Variants in SPAG16 observed in about 807,000 individuals in gnomAD.
SPAG16 encodes sperm-associated antigen 16 protein.
In SPAG16, 86 loss-of-function variants were observed where a neutral mutation model predicts 80.4. That is an observed-to-expected ratio of 1.07 (90% confidence interval 0.90 to 1.28). The LOEUF (loss-of-function observed/expected upper bound fraction) is 1.28, where lower values mean the gene tolerates loss of function less well. SPAG16 is among the 50% of genes most tolerant of loss of function. The pLI is 0.00. For missense variants in SPAG16, 870 were observed against 765.3 expected (o/e 1.14, Z -1.61); for synonymous variants, 294 against 265.9 (o/e 1.11, Z -1.03).
chr2:213,670,085 C>T (rs901379206), intron 10 of SPAG16, among the ~76,000 whole-genome samples: 1 of 151,828 alleles, frequency 6.6e-6, no homozygotes, highest in African/African-American at 2.4e-5. Flanking sequence ...GCAAACTCTG[C>T]CTCCGGGGTT....
At chr2:214,328,189 T>C (rs1431187324) in intron 15 of SPAG16, among the ~76,000 whole-genome samples, 2 of 151,516 alleles carry the variant, frequency 1.3e-5, no homozygotes, top group Non-Finnish European at 2.9e-5. Context: ...GGAGTCTCAC[T>C]CTGTCGCCTA....
intron 5 of SPAG16, among the ~76,000 whole-genome samples, chr2:213,324,132 C>A (rs72937041): frequency 8.2e-4 from 124 of 151,910 alleles, no homozygotes; most frequent in Non-Finnish European, 1.5e-3. Flanking sequence ...TACCTTCTTA[C>A]CATATACTCA....
intron 10 of SPAG16, among the ~76,000 whole-genome samples, chr2:213,671,429 G>A (rs1033487715): frequency 3.9e-5 from 6 of 151,978 alleles, no homozygotes; most frequent in African/African-American, 1.5e-4. Flanking sequence ...GCCTTGTTTT[G>A]GGGAAGATGT....
intron 15 of SPAG16, among the ~76,000 whole-genome samples, chr2:214,165,564 T>C (rs2056620000): frequency 6.9e-6 from 1 of 144,980 alleles, no homozygotes. Context: ...ATGTCTAGAT[T>C]TGTTACCTCC....
chr2:214,114,437 G>C (rs556714889), intron 14 of SPAG16, among the ~76,000 whole-genome samples: 76 of 152,196 alleles, frequency 5.0e-4, no homozygotes, highest in Admixed American at 9.8e-4. Flanking sequence ...TGCCCACAGA[G>C]GTTGAGTCTA....
chr2:213,337,908 G>A (rs752729195), intron 5 of SPAG16, among the ~76,000 whole-genome samples: 1 of 151,898 alleles, frequency 6.6e-6, no homozygotes, highest in Non-Finnish European at 1.5e-5. Context: ...TCAAGCAAAA[G>A]ACACATAATC....
At position 213,704,193 on chromosome 2, in the gene SPAG16, C is replaced by G. The variant is rs751810424; in HGVS notation, c.1071-158292C>G. ...AACAATATAACATACATCCTTAATT[C>G]TGTCAGGATTTTGAAATGAAATGTT... On this transcript the variant is annotated intron_variant, in intron 10 of 15. Coordinates refer to ENST00000331683, the MANE Select transcript of SPAG16 (RefSeq NM_024532.5). 3.9e-5 allele frequency among the ~76,000 whole-genome samples: 6 copies of G among 152,128 alleles called. No homozygotes were observed. In the East Asian group the frequency reaches 5.8e-4, roughly 15 times the overall value.
chr2:213,343,284 G>A (rs1212365720), intron 6 of SPAG16, among the ~76,000 whole-genome samples: 1 of 152,078 alleles, frequency 6.6e-6, no homozygotes, highest in African/African-American at 2.4e-5. Flanking sequence ...TGCCACAGAA[G>A]CAGACCTAGT....
intron 14 of SPAG16, among the ~76,000 whole-genome samples, chr2:214,123,247 A>G (rs2054306303): frequency 6.6e-6 from 1 of 151,724 alleles, no homozygotes; most frequent in African/African-American, 2.4e-5. Context: ...GATACATTTA[A>G]GATTCTATTG....
chr2:213,997,127 T>C (rs1310288359), intron 12 of SPAG16, among the ~76,000 whole-genome samples: 1 of 152,202 alleles, frequency 6.6e-6, no homozygotes, highest in Non-Finnish European at 1.5e-5. Flanking sequence ...AAGTTCAAGC[T>C]AGGTTTAATT....
intron 9 of SPAG16, chr2:213,396,648 G>A (rs2125319525): frequency 2.2e-6 from 1 of 456,228 alleles, no homozygotes; most frequent in Admixed American, 2.4e-5. Context: ...GGACACTATT[G>A]GCAGGAGACA....
At chr2:213,455,664 G>A (rs2071957634) in intron 9 of SPAG16, among the ~76,000 whole-genome samples, 2 of 152,160 alleles carry the variant, frequency 1.3e-5, no homozygotes, top group African/African-American at 4.8e-5. Flanking sequence ...CTTATAAGGA[G>A]CTTGCAACCT....
chr2:213,350,451 A>T (rs532157907), intron 6 of SPAG16, 77 bp from the exon 7 acceptor site: 1 of 720,364 alleles, frequency 1.4e-6, no homozygotes, highest in East Asian at 2.9e-5. Flanking sequence ...AAAAGAAAAA[A>T]AGGTTTTGAT....
intron 4 of SPAG16, among the ~76,000 whole-genome samples, chr2:213,311,123 G>A (rs78119775): frequency 6.6e-6 from 1 of 151,400 alleles, no homozygotes; most frequent in African/African-American, 2.4e-5. Context: ...TCTATGAGGA[G>A]AATTATTTTT....
At chr2:214,006,472 CAAATT>C (rs1442677052) in intron 12 of SPAG16, among the ~76,000 whole-genome samples, 1 of 150,444 alleles carries the variant, frequency 6.6e-6, no homozygotes, top group Non-Finnish European at 1.5e-5. Context: ...ACCAAAATAA[CAAATT>C]AAAGCAGCAA....
chr2:214,349,610 G>A (rs912131498), intron 15 of SPAG16, among the ~76,000 whole-genome samples: 1 of 152,154 alleles, frequency 6.6e-6, no homozygotes, highest in Non-Finnish European at 1.5e-5. Flanking sequence ...AATTGATATA[G>A]CTGGGTCATA....
intron 10 of SPAG16, among the ~76,000 whole-genome samples, chr2:213,736,448 C>G (rs944129520): frequency 2.0e-5 from 3 of 151,860 alleles, no homozygotes; most frequent in African/African-American, 7.3e-5. Context: ...CCACCACACC[C>G]GGCTAATTTT....
chr2:214,389,334 T>G (rs1700935471), intron 15 of SPAG16, among the ~76,000 whole-genome samples: 1 of 152,216 alleles, frequency 6.6e-6, no homozygotes, highest in African/African-American at 2.4e-5. Context: ...CTAACGTGTG[T>G]GACAGAGTTG....
At chr2:213,824,068 C>T (rs1244683904) in intron 10 of SPAG16, among the ~76,000 whole-genome samples, 3 of 152,128 alleles carry the variant, frequency 2.0e-5, no homozygotes, top group Admixed American at 1.3e-4. Context: ...AGTCTTTAAT[C>T]CATCTTGAGT....
Sources: allele counts gnomAD v4.1 joint callset (sites outside exome capture counted in the v4.1 genomes callset), GRCh38; gene constraint gnomAD v4.1.1; transcripts MANE v1.5; gene names NCBI Gene and HGNC (gene_info 2026-07-23, HGNC 2026-07-21).